NEGR1: variants seen among roughly 807,000 people sequenced by gnomAD.
The protein encoded by NEGR1 is neuronal growth regulator 1, also known as IgLON family member 4.
Under a neutral mutation model 40.9 loss-of-function variants are expected in NEGR1, and 10 were observed. The observed-to-expected ratio is 0.24, with a 90% confidence interval of 0.15 to 0.42. NEGR1 has a LOEUF of 0.42. Ranked by LOEUF, NEGR1 falls within the 10% of genes least tolerant of loss-of-function variation. The pLI is 1.00. For synonymous variants in NEGR1, 185 were observed against 166.8 expected (o/e 1.11, Z -0.84); for missense variants, 352 against 438.9 (o/e 0.80, Z 1.77).
At chr1:71,529,307 G>T (rs1205121559) in intron 6 of NEGR1, among the ~76,000 whole-genome samples, 3 of 151,156 alleles carry the variant, frequency 2.0e-5, no homozygotes, top group Non-Finnish European at 3.0e-5. Context: ...TAACTTTTTA[G>T]ATTATTAGCT....
intron 5 of NEGR1, among the ~76,000 whole-genome samples, chr1:71,608,379 TG>T (rs1248345191): frequency 6.6e-6 from 1 of 151,954 alleles, no homozygotes; most frequent in African/African-American, 2.4e-5. Flanking sequence ...TAATAAAAGC[TG>T]TAGTCCATCT....
intron 2 of NEGR1, among the ~76,000 whole-genome samples, chr1:71,786,920 T>C (rs1031791528): frequency 2.0e-5 from 3 of 152,228 alleles, no homozygotes; most frequent in Admixed American, 6.5e-5. Flanking sequence ...CACTCACTCT[T>C]GGAGTTCTAG....
intron 6 of NEGR1, among the ~76,000 whole-genome samples, chr1:71,539,919 T>C (rs971808862): frequency 6.6e-6 from 1 of 151,802 alleles, no homozygotes; most frequent in African/African-American, 2.4e-5. Flanking sequence ...TGCTCCAATA[T>C]ATTTTCCTAC....
intron 6 of NEGR1, among the ~76,000 whole-genome samples, chr1:71,507,822 C>T (rs1296745139): frequency 1.3e-5 from 2 of 152,120 alleles, no homozygotes; most frequent in Admixed American, 1.3e-4. Flanking sequence ...CTTGGCATCC[C>T]CCTTCTTCTG....
chr1:71,858,740 A>G (rs2101820685), intron 2 of NEGR1, among the ~76,000 whole-genome samples: 1 of 152,214 alleles, frequency 6.6e-6, no homozygotes, highest in East Asian at 1.9e-4. Context: ...ATGTAACACA[A>G]ATATACTTTC....
At chr1:72,245,283 T>G (rs1028891826) in intron 1 of NEGR1, among the ~76,000 whole-genome samples, 4 of 152,108 alleles carry the variant, frequency 2.6e-5, no homozygotes, top group African/African-American at 9.6e-5. Flanking sequence ...GGTTGAGACA[T>G]TATTAGACTA....
chr1:71,918,495 G>T lies in NEGR1; in HGVS notation c.409+16584C>A, dbSNP rs182310852. On this transcript the variant is annotated intron_variant, in intron 2 of 6. Coordinates refer to ENST00000357731, the MANE Select transcript of NEGR1 (RefSeq NM_173808.3). ...AATAATTGTTCAAATGGTCTGCAAG[G>T]TATCTTCATTAGCTAAATAAATAAC... Among the ~76,000 whole-genome samples the T allele has an allele frequency of 2.6e-5, 4 of 152,060 alleles. No individual in the cohort carries two copies. The East Asian group carries it at 5.8e-4, about 22-fold the overall frequency.
intron 4 of NEGR1, among the ~76,000 whole-genome samples, chr1:71,615,892 G>A (rs1650431135): frequency 6.6e-6 from 1 of 152,278 alleles, no homozygotes; most frequent in East Asian, 1.9e-4. Flanking sequence ...GAAAGTCATT[G>A]GCCAATGCAT....
chr1:71,931,553 G>T (rs947542097), intron 2 of NEGR1, among the ~76,000 whole-genome samples: 20 of 152,150 alleles, frequency 1.3e-4, no homozygotes, highest in Admixed American at 1.2e-3. Context: ...AAAACAGATG[G>T]ACAAGAACAA....
chr1:72,280,191 C>A (rs994168437), intron 1 of NEGR1, among the ~76,000 whole-genome samples: 1 of 152,026 alleles, frequency 6.6e-6, no homozygotes, highest in Non-Finnish European at 1.5e-5. Flanking sequence ...TATATGGTCC[C>A]CACATATTAG....
intron 2 of NEGR1, among the ~76,000 whole-genome samples, chr1:71,913,466 G>A (rs1041049687): frequency 1.3e-5 from 2 of 152,038 alleles, no homozygotes; most frequent in African/African-American, 4.8e-5. Context: ...ATACAAACAA[G>A]ACAAGAAAAG....
At chr1:72,271,074 T>C (rs994660748) in intron 1 of NEGR1, among the ~76,000 whole-genome samples, 1 of 151,886 alleles carries the variant, frequency 6.6e-6, no homozygotes, top group African/African-American at 2.4e-5. Context: ...AGCCAGTAAG[T>C]AGAGAAGCAG....
At chr1:71,839,940 T>C (rs1047511588) in intron 2 of NEGR1, among the ~76,000 whole-genome samples, 1 of 152,192 alleles carries the variant, frequency 6.6e-6, no homozygotes, top group Non-Finnish European at 1.5e-5. Context: ...AGATTCTTAG[T>C]GGCGATTTCT....
intron 1 of NEGR1, among the ~76,000 whole-genome samples, chr1:72,117,924 G>A (rs1282499306): frequency 6.6e-6 from 1 of 151,702 alleles, no homozygotes; most frequent in Non-Finnish European, 1.5e-5. Flanking sequence ...TGATTAGAGA[G>A]GACTATCTAA....
intron 1 of NEGR1, among the ~76,000 whole-genome samples, chr1:72,148,827 T>G (rs1338831638): frequency 6.6e-6 from 1 of 152,192 alleles, no homozygotes; most frequent in Non-Finnish European, 1.5e-5. Context: ...AGGCTGGACC[T>G]TATTGTTTAT....
intron 1 of NEGR1, among the ~76,000 whole-genome samples, chr1:71,946,575 C>T (rs1329826371): frequency 2.0e-5 from 3 of 152,060 alleles, no homozygotes; most frequent in Non-Finnish European, 2.9e-5. Context: ...ATAAACGCTA[C>T]GTTGCTTTTT....
chr1:71,543,059 T>G (rs1486720002), intron 6 of NEGR1, among the ~76,000 whole-genome samples: 4 of 151,788 alleles, frequency 2.6e-5, no homozygotes, highest in East Asian at 3.9e-4. Context: ...AGTTCCTGTC[T>G]TTCTCACTAG....
intron 1 of NEGR1, among the ~76,000 whole-genome samples, chr1:72,193,912 G>GTATA (rs1652910469): frequency 6.6e-6 from 1 of 151,570 alleles, no homozygotes; most frequent in South Asian, 2.1e-4. Context: ...CACATTCATA[G>GTATA]TATATACACA....
intron 4 of NEGR1, among the ~76,000 whole-genome samples, chr1:71,678,673 A>T (rs1161969336): frequency 6.6e-6 from 1 of 152,028 alleles, no homozygotes; most frequent in Admixed American, 6.6e-5. Flanking sequence ...CTTTTGTCTT[A>T]TTTGTTCAAC....
Sources: gnomAD v4.1 joint callset for allele counts (sites outside exome capture counted in the v4.1 genomes callset) on GRCh38, gnomAD v4.1.1 for gene constraint, MANE v1.5 for transcripts, NCBI Gene and HGNC (gene_info 2026-07-23, HGNC 2026-07-21) for gene names.